DENND2B: variants seen among roughly 807,000 people sequenced by gnomAD.
DENND2B encodes DENN domain-containing protein 2B.
DENND2B carries 32 observed loss-of-function variants against 116.0 expected under a neutral mutation model. That is an observed-to-expected ratio of 0.28 (90% CI 0.21 to 0.37). The LOEUF (loss-of-function observed/expected upper bound fraction) is 0.37. Among genes scored for constraint, DENND2B ranks in the 10% least tolerant of loss-of-function variants. The pLI, the probability that DENND2B is intolerant of heterozygous loss-of-function variation, is 1.00. For missense variants in DENND2B, 1,276 were observed against 1,477.7 expected, an observed-to-expected ratio of 0.86 and a Z score of 2.24; for synonymous variants, 588 against 583.9, an observed-to-expected ratio of 1.01 and a Z score of -0.10.
At chr11:8,781,279 G>A (rs755575661) in intron 1 of DENND2B, among the ~76,000 whole-genome samples, 8 of 152,242 alleles carry the variant, frequency 5.3e-5, no homozygotes, top group Middle Eastern at 3.4e-3. Flanking sequence ...AGCAGAGGAG[G>A]GACTAACTTC....
At chr11:8,759,557 CA>C (rs1380995787) in intron 1 of DENND2B, among the ~76,000 whole-genome samples, 1 of 152,154 alleles carries the variant, frequency 6.6e-6, no homozygotes, top group Non-Finnish European at 1.5e-5. Context: ...ACGTGGAAGT[CA>C]AAGTTTAGGC....
chr11:8,909,725 G>T (rs1275155945), intron 1 of DENND2B: 1 of 152,182 alleles, frequency 6.6e-6, no homozygotes, highest in African/African-American at 2.4e-5. Context: ...GAAGGAGGTC[G>T]TATTGGTCGG....
intron 1 of DENND2B, among the ~76,000 whole-genome samples, chr11:8,755,891 T>C (rs2053527521): frequency 6.6e-6 from 1 of 152,216 alleles, no homozygotes; most frequent in African/African-American, 2.4e-5. Flanking sequence ...ACACTGGCTC[T>C]AGTGAGATAC....
upstream of DENND2B, chr11:8,811,245 A>AC (rs1253219496): frequency 7.5e-6 from 3 of 398,446 alleles, no homozygotes; most frequent in East Asian, 1.1e-4. Flanking sequence ...CTCTCTGCTT[A>AC]CCTTGCTGCC....
chr11:8,697,672 T>G, intron 16 of DENND2B, 36 bp from the exon 17 acceptor site: 2 of 1,415,766 alleles, frequency 1.4e-6, no homozygotes, highest in South Asian at 1.1e-5. Context: ...CAATCATAGC[T>G]GACACTGAGC....
intron 1 of DENND2B, among the ~76,000 whole-genome samples, chr11:8,754,691 A>T (rs1266634013): frequency 2.0e-5 from 3 of 152,280 alleles, no homozygotes; most frequent in African/African-American, 4.8e-5. Flanking sequence ...TCAACTGATG[A>T]TAAACAAAAT....
intron 1 of DENND2B, among the ~76,000 whole-genome samples, chr11:8,771,297 C>T (rs778508435): frequency 1.6e-4 from 24 of 151,922 alleles, no homozygotes; most frequent in Non-Finnish European, 2.2e-4. Context: ...GGACATTCCA[C>T]GCTATGGGGA....
At chr11:8,721,743 A>G (rs185282111) in intron 4 of DENND2B, among the ~76,000 whole-genome samples, 34 of 152,276 alleles carry the variant, frequency 2.2e-4, no homozygotes, top group African/African-American at 7.9e-4. Flanking sequence ...CCTCCATCCC[A>G]GTGGGTGCCC....
At chr11:8,708,865 C>T (rs1247821740) in intron 11 of DENND2B, among the ~76,000 whole-genome samples, 1 of 151,676 alleles carries the variant, frequency 6.6e-6, no homozygotes, top group African/African-American at 2.4e-5. Flanking sequence ...GCAGGAGAAT[C>T]GCTTGAACCC....
intron 3 of DENND2B, among the ~76,000 whole-genome samples, chr11:8,849,964 G>A (rs931879843): frequency 7.0e-5 from 10 of 143,364 alleles, no homozygotes; most frequent in East Asian, 4.0e-4. Flanking sequence ...GTGAAACCCC[G>A]TCTCTAGAAA....
At chr11:8,808,260 C>A (rs2061054501) in intron 1 of DENND2B, 1 of 152,192 alleles carries the variant, frequency 6.6e-6, no homozygotes, top group African/African-American at 2.4e-5. Flanking sequence ...CAGAGTGTGC[C>A]CAGCAGGACC....
intron 1 of DENND2B, among the ~76,000 whole-genome samples, chr11:8,787,677 A>T (rs2059036098): frequency 6.6e-6 from 1 of 152,168 alleles, no homozygotes; most frequent in South Asian, 2.1e-4. Flanking sequence ...ATGGGCACAG[A>T]CTCCTGTTTG....
At chr11:8,875,034 G>A (rs2063827459), upstream of DENND2B, among the ~76,000 whole-genome samples, 2 of 152,136 alleles carry the variant, frequency 1.3e-5, no homozygotes, top group African/African-American at 4.8e-5. Context: ...ATGACTTTAA[G>A]TGTTCTAGGC....
intron 1 of DENND2B, 120 bp from the exon 2 acceptor site, chr11:8,750,845 C>G (rs2052280910): frequency 1.3e-6 from 1 of 793,258 alleles, no homozygotes. Context: ...GTAGAAACTG[C>G]TTTCCCACTT....
chr11:8,838,053 T>A (rs2134605698), intron 4 of DENND2B, among the ~76,000 whole-genome samples: 1 of 152,360 alleles, frequency 6.6e-6, no homozygotes, highest in South Asian at 2.1e-4. Context: ...CCTTAAGTTA[T>A]CCTCGTCAGA....
intron 4 of DENND2B, among the ~76,000 whole-genome samples, chr11:8,830,283 T>C (rs1349244735): frequency 6.6e-6 from 1 of 152,142 alleles, no homozygotes; most frequent in Non-Finnish European, 1.5e-5. Flanking sequence ...CATCTCTCCT[T>C]TCCTTATAAA....
chr11:8,852,659 T>C (rs1406237313), intron 3 of DENND2B, among the ~76,000 whole-genome samples: 4 of 152,208 alleles, frequency 2.6e-5, no homozygotes, highest in African/African-American at 9.7e-5. Context: ...TCCATTAAGC[T>C]ATACATTTAA....
intron 1 of DENND2B, among the ~76,000 whole-genome samples, chr11:8,781,498 T>C (rs1053767870): frequency 1.3e-5 from 2 of 152,120 alleles, no homozygotes; most frequent in African/African-American, 4.8e-5. Flanking sequence ...TCTATTACAC[T>C]GGGCAAGATG....
intron 1 of DENND2B, chr11:8,766,590 T>C: frequency 7.8e-7 from 1 of 1,287,072 alleles, no homozygotes; most frequent in Non-Finnish European, 1.0e-6. Context: ...GACCATCCAC[T>C]GAAAGGCCAA....
Sources: gnomAD v4.1 joint callset for allele counts (sites outside exome capture counted in the v4.1 genomes callset) on GRCh38, gnomAD v4.1.1 for gene constraint, MANE v1.5 for transcripts, NCBI Gene and HGNC (gene_info 2026-07-23, HGNC 2026-07-21) for gene names.